KDM2B: variants seen among roughly 807,000 people sequenced by gnomAD.
The protein encoded by KDM2B is lysine demethylase 2B.
In KDM2B, 26 loss-of-function variants were observed where a neutral mutation model predicts 150.0. The observed-to-expected ratio is 0.17, with a 90% CI of 0.13 to 0.24. KDM2B has a LOEUF of 0.24. Among genes scored for constraint, KDM2B ranks in the 10% least tolerant of loss-of-function variants. The pLI, the probability that KDM2B is intolerant of heterozygous loss-of-function variation, is 1.00. For synonymous variants in KDM2B, 734 were observed against 729.5 expected (o/e 1.01, Z -0.10); for missense variants, 1,265 against 1,816.9 (o/e 0.70, Z 5.52).
At chr12:121,475,447 G>A (rs1321765222) in intron 12 of KDM2B, among the ~76,000 whole-genome samples, 2 of 151,408 alleles carry the variant, frequency 1.3e-5, no homozygotes, top group African/African-American at 4.9e-5. Flanking sequence ...AGAAAATTTA[G>A]CCAGGCAAGG....
intron 4 of KDM2B, among the ~76,000 whole-genome samples, chr12:121,551,206 C>T (rs1169299976): frequency 6.6e-6 from 1 of 152,190 alleles, no homozygotes; most frequent in Non-Finnish European, 1.5e-5. Context: ...AATAAATAAA[C>T]ATAGCCTTTC....
Position 121,526,357 on chromosome 12 carries a change from G to GAA in KDM2B, c.932-5259_932-5258dup, listed in dbSNP as rs1311044637. Reference sequence around the variant, plus strand: ...GACAGAGCAAGACTCTGCCTCAGGGGAAAAAAAAAAGAAAGTTTGTTAAAT... The same window carrying GAA: ...GACAGAGCAAGACTCTGCCTCAGGGGAAAAAAAAAAAAGAAAGTTTGTTAAAT... On this transcript the variant is annotated intron_variant, in intron 8 of 22. Transcript: ENST00000377071. Among the ~76,000 whole-genome samples, 23 of 147,168 alleles carry GAA rather than the reference G, an allele frequency of 1.6e-4. No individual in the cohort carries two copies. In the South Asian group the frequency reaches 3.9e-3, roughly 25 times the overall value.
intron 8 of KDM2B, among the ~76,000 whole-genome samples, chr12:121,528,532 C>T (rs1887350962): frequency 6.6e-6 from 1 of 151,380 alleles, no homozygotes. Context: ...TGCACTCCAG[C>T]CTAGGCAACA....
intron 10 of KDM2B, among the ~76,000 whole-genome samples, chr12:121,511,319 CTT>C (rs1165807541): frequency 1.5e-5 from 2 of 135,150 alleles, no homozygotes; most frequent in African/African-American, 5.7e-5. Flanking sequence ...CAGAGTCTCA[CTT>C]TGTTGGCCAG....
chr12:121,510,086 C>G, intron 10 of KDM2B, 47 bp from the exon 11 acceptor site: 1 of 1,472,558 alleles, frequency 6.8e-7, no homozygotes, highest in Non-Finnish European at 9.1e-7. Flanking sequence ...ACCTAACTCC[C>G]TGCCAAGGTC....
At position 121,513,422 on chromosome 12, in the gene KDM2B, C is replaced by A; in HGVS notation, c.1048-20G>T. On this transcript the variant is annotated intron_variant, in intron 9 of 22. Transcript: ENST00000377071. The surrounding 1 kb of genome is among the most constrained non-coding windows in gnomAD (Gnocchi z 5.0). ...CTGCACCTGAAAGCAAAGACGCAGG[C>A]AGGCAGAGGTCAGTTTCCAGAGGGC... 3.7e-6 allele frequency: 6 copies of A among 1,607,930 alleles called. No individual in the cohort carries two copies. The highest frequency in any genetic ancestry group is 5.1e-6 in the Non-Finnish European group (6 of 1,175,238).
intron 11 of KDM2B, among the ~76,000 whole-genome samples, chr12:121,495,062 A>G (rs553191807): frequency 2.9e-4 from 44 of 151,016 alleles, no homozygotes; most frequent in African/African-American, 1.1e-3. Flanking sequence ...CAGTTGTATA[A>G]TCATAGCTCA....
intron 12 of KDM2B, among the ~76,000 whole-genome samples, chr12:121,493,102 C>A (rs546856937): frequency 4.6e-4 from 44 of 96,218 alleles, no homozygotes; most frequent in African/African-American, 1.8e-3. Context: ...GAGATGAGTT[C>A]TCATTATGTT....
chr12:121,544,133 A>G (rs1156903008), intron 6 of KDM2B, among the ~76,000 whole-genome samples: 3 of 150,700 alleles, frequency 2.0e-5, no homozygotes, highest in African/African-American at 7.3e-5. Flanking sequence ...AAAAAAAAAA[A>G]AAAAGCCAGG....
At chr12:121,490,119 G>A (rs1883197662) in intron 12 of KDM2B, among the ~76,000 whole-genome samples, 1 of 152,218 alleles carries the variant, frequency 6.6e-6, no homozygotes, top group African/African-American at 2.4e-5. Context: ...ACCCCAGACG[G>A]AGCAGGCCTC....
At chr12:121,434,106 G>C (rs1488280320) in intron 22 of KDM2B, among the ~76,000 whole-genome samples, 1 of 152,148 alleles carries the variant, frequency 6.6e-6, no homozygotes, top group East Asian at 1.9e-4. Flanking sequence ...TTTTTGCCTG[G>C]AAGGTGGAGC....
chr12:121,434,500 C>CAAAAAAA (rs1166374523), intron 22 of KDM2B, among the ~76,000 whole-genome samples: 10 of 62,238 alleles, frequency 1.6e-4, no homozygotes, highest in Admixed American at 3.6e-4. Context: ...GACTCTCTAT[C>CAAAAAAA]AAAAAAAAAA....
the KDM2B span, among the ~76,000 whole-genome samples, chr12:121,421,645 C>G: frequency 6.6e-6 from 1 of 151,810 alleles, no homozygotes; most frequent in Admixed American, 6.6e-5. Flanking sequence ...CATTTATGGA[C>G]AAGAAAAAAT....
At chr12:121,469,079 A>C (rs1880445574) in intron 12 of KDM2B, 1 of 151,106 alleles carries the variant, frequency 6.6e-6, no homozygotes, top group Admixed American at 6.6e-5. Context: ...ATTTTTAGTA[A>C]AGAGGGGGGT....
intron 11 of KDM2B, among the ~76,000 whole-genome samples, chr12:121,500,348 T>G (rs1307787110): frequency 6.6e-6 from 1 of 152,092 alleles, no homozygotes; most frequent in Non-Finnish European, 1.5e-5. Flanking sequence ...CAGGGCAGGT[T>G]TTCGAAGAGA....
chr12:121,580,469 G>A, intron 1 of KDM2B: 1 of 1,173,844 alleles, frequency 8.5e-7, no homozygotes, highest in South Asian at 2.6e-5. Context: ...GGTCACGAGT[G>A]CGCCTCTGCA....
chr12:121,490,882 T>C (rs1259143536), intron 12 of KDM2B, among the ~76,000 whole-genome samples: 2 of 152,106 alleles, frequency 1.3e-5, no homozygotes, highest in Non-Finnish European at 2.9e-5. Context: ...AATCATCACT[T>C]AGCATTAATT....
chr12:121,470,074 G>T (rs1442933398), intron 12 of KDM2B: 4 of 149,834 alleles, frequency 2.7e-5, no homozygotes, highest in Admixed American at 2.0e-4. Flanking sequence ...TCCAGCCTGG[G>T]CAACAGAGTG....
At position 121,580,907 on chromosome 12, in the gene KDM2B, G is replaced by A. The variant is rs782496351; in HGVS notation, c.5C>T (p.Ala2Val). 3.1e-6 allele frequency: 5 copies of A among 1,613,430 alleles called. No homozygotes were observed. In the Admixed American group the frequency reaches 6.7e-5, roughly 22 times the overall value. The stretch of plus-strand genomic sequence containing the variant: ...TGCAGATCCCCCCATTTGCGGACCC[G>A]CCATGTGGAGGAGGCATTTGGGGGG... Reference protein sequence around the residue: MAGPQMGGSAED... With the variant: MVGPQMGGSAED... Residue 2 changes from alanine (A) to valine (V), a missense_variant, in exon 1 of 23, where the codon GCG becomes GTG. Physicochemically the swap from Ala to Val is moderately conservative, Grantham distance 64. This residue lies in a region of KDM2B where 53 missense variants were observed against 56.0 expected (regional missense o/e 0.95). Transcript: ENST00000377071.
Sources: allele counts gnomAD v4.1 joint callset (sites outside exome capture counted in the v4.1 genomes callset), GRCh38; gene constraint gnomAD v4.1.1; regional missense constraint gnomAD v4.1.1; non-coding constraint Gnocchi (gnomAD v3.1); transcripts MANE v1.5; gene names NCBI Gene and HGNC (gene_info 2026-07-23, HGNC 2026-07-21).